Variants in CST1 observed in about 807,000 individuals in gnomAD.
CST1 encodes the protein cystatin SN.
Under a neutral mutation model 10.7 loss-of-function variants are expected in CST1, and 19 were observed. The ratio of observed to expected loss-of-function variants is 1.78; its 90% CI spans 1.24 to 2.61. The LOEUF is 2.61. Among genes scored for constraint, CST1 ranks in the 30% most tolerant of loss-of-function variants. The pLI is 0.00. For missense variants in CST1, 247 were observed against 178.1 expected (o/e 1.39, Z -2.20); for synonymous variants, 95 against 72.8 (o/e 1.31, Z -1.55).
At chr20:23,750,593 A>G in intron 1 of CST1, 46 bp downstream of exon 1, 1 of 1,578,428 alleles carries the variant, frequency 6.3e-7, no homozygotes, top group Non-Finnish European at 8.7e-7. Context: ...GTTGGGGAAC[A>G]AACCAGGCTG....
chr20:23,750,771 AC>A lies in CST1; in HGVS notation c.95del (p.Gly32ValfsTer40). The A allele has an allele frequency of 6.2e-7, 1 of 1,614,084 alleles. No homozygotes were observed. The highest frequency in any genetic ancestry group is 1.1e-5 in the South Asian group (1 of 91,086). ...CATTGAGGTCTGCGTTATAGATGCC[AC>A]CCGGGATTATCCTATCCTCCTCCTT... The part of the protein sequence containing the change: ...SPKEEDRIIP[G>X]GIYNADLNDE... On this transcript the variant is annotated frameshift_variant, in exon 1 of 3. Coordinates refer to ENST00000304749, the MANE Select transcript of CST1 (RefSeq NM_001898.3). LOFTEE classifies it high-confidence loss of function.
At chr20:23,750,109 A>C (rs1209786293) in intron 1 of CST1, among the ~76,000 whole-genome samples, 4 of 151,972 alleles carry the variant, frequency 2.6e-5, no homozygotes, top group Non-Finnish European at 5.9e-5. Flanking sequence ...TAACTGCATC[A>C]GCTGGTAGAG....
In CST1 at chr20:23,748,779, C is replaced by T. The variant is rs567450542; in HGVS notation, c.342+237G>A. ...ACATCCATGCACAGGCACACATGCTCCCATCCACCTCCCTGCACACACTGG... is the reference window on the plus strand; with the variant it reads ...ACATCCATGCACAGGCACACATGCTTCCATCCACCTCCCTGCACACACTGG... On this transcript the variant is annotated intron_variant, in intron 2 of 2. Transcript: ENST00000304749. Among the ~76,000 whole-genome samples the T allele has an allele frequency of 2.0e-5, 3 of 152,156 alleles. No homozygotes were observed. The South Asian group carries it at 6.2e-4, about 32-fold the overall frequency.
At position 23,750,717 on chromosome 20, in the gene CST1, G is replaced by T. The variant is rs566215865; in HGVS notation, c.150C>A (p.Phe50Leu). 1.9e-6 allele frequency: 3 copies of T among 1,614,150 alleles called. No homozygotes were observed. Among genetic ancestry groups the T allele is most frequent in the South Asian group, 2.2e-5 (2 of 91,080 alleles). ...TGGCCTTGTTATACTCGCTGATGGC[G>T]AAGTGAAGGGCACGCTGTACCCACT... ...NDEWVQRALHFAISEYNKATK... is the reference protein window; with the variant it reads ...NDEWVQRALHLAISEYNKATK... The change falls in exon 1 of 3, where the codon TTC becomes TTA. Residue 50 changes from phenylalanine to leucine, a missense_variant. Physicochemically the swap from Phe to Leu is conservative, Grantham distance 22. Coordinates refer to ENST00000304749, the MANE Select transcript of CST1 (RefSeq NM_001898.3).
At position 23,749,847 on chromosome 20, in the gene CST1, C is replaced by T. The variant is rs1400877422; in HGVS notation, c.229-718G>A. On this transcript the variant is annotated intron_variant, in intron 1 of 2. Transcript: ENST00000304749. ...GGGAGATGCAGGCCAGCGGGGACCA[C>T]GGCACCAGGGAGTGTATCTCGTATG... Among the ~76,000 whole-genome samples, 7 of 149,758 alleles carry T rather than the reference C, an allele frequency of 4.7e-5. No individual in the cohort carries two copies. The South Asian group carries it at 8.8e-4, about 19-fold the overall frequency.
At position 23,747,608 on chromosome 20, in the gene CST1, G is replaced by A. The variant is rs1256824918; in HGVS notation, c.*208C>T. 1.7e-6 allele frequency: 1 copy of A among 600,944 alleles called. No homozygotes were observed. The highest frequency in any genetic ancestry group is 1.9e-5 in the African/African-American group (1 of 53,948). The allele number at this position is 600,944 out of a possible 1,614,324, so 37.2% of individuals were successfully genotyped here. On this transcript the variant is annotated 3_prime_UTR_variant, in exon 3 of 3. Transcript: ENST00000304749. ...CAGGAGGTGGGGGGGTGTGTACCAT[G>A]TACCAGGGCTATTAGAAGCAAGAAG...
Position 23,747,842 on chromosome 20 carries a change from C to T in CST1, c.400G>A (p.Val134Met). Residue 134 changes from valine to methionine, a missense_variant, in exon 3 of 3, where the codon GTG (valine) becomes ATG (methionine). Transcript: ENST00000304749. ...EVPWENRRSL[V>M]KSRCQES ...TAGGATTCTTGACACCTGGATTTCA[C>T]CAGGGACCTTCTGTTCTCCCAGGGA... 2.5e-6 allele frequency: 4 copies of T among 1,613,986 alleles called. No homozygotes were observed. Among genetic ancestry groups the T allele is most frequent in the Non-Finnish European group, 3.4e-6 (4 of 1,179,908 alleles).
rs1222667688 is a variant in CST1, at chr20:23,750,793, T to A, written c.74A>T (p.Glu25Val). 7 of 1,614,116 alleles carry A rather than the reference T, an allele frequency of 4.3e-6. No homozygotes were observed. Among genetic ancestry groups the A allele is most frequent in the Non-Finnish European group, 5.9e-6 (7 of 1,180,004 alleles). ...GCCACCCGGGATTATCCTATCCTCC[T>A]CCTTGGGGCTCCAGGCCAGGGCCAC... ...LAVALAWSPK[E>V]EDRIIPGGIY... Residue 25 changes from glutamate (E) to valine (V), a missense_variant, in exon 1 of 3, where the codon GAG (glutamate) becomes GTG (valine). Physicochemically the swap from Glu to Val is moderately radical, Grantham distance 121 (BLOSUM62 -2). Coordinates refer to ENST00000304749, the MANE Select transcript of CST1 (RefSeq NM_001898.3).
intron 1 of CST1, among the ~76,000 whole-genome samples, chr20:23,749,571 A>G (rs1284325268): frequency 6.6e-6 from 1 of 152,118 alleles, no homozygotes; most frequent in Non-Finnish European, 1.5e-5. Flanking sequence ...TTCAAGATAC[A>G]TTTCTCAAGT....
At position 23,747,591 on chromosome 20, in the gene CST1, G is replaced by T. The variant is rs900275328; in HGVS notation, c.*225C>A. The T allele has an allele frequency of 1.8e-6, 1 of 556,810 alleles. No homozygotes were observed. Among genetic ancestry groups the T allele is most frequent in the Non-Finnish European group, 3.2e-6 (1 of 311,012 alleles). The allele number at this position is 556,810 out of a possible 1,614,324, so 34.5% of individuals were successfully genotyped here. A position where few individuals can be genotyped will look rare whatever the true frequency, so the allele number is the denominator to read the frequency against. On this transcript the variant is annotated 3_prime_UTR_variant, in exon 3 of 3. Transcript: ENST00000304749. ...ATGCTACTGTTTAATTGCAGGAGGT[G>T]GGGGGGTGTGTACCATGTACCAGGG...
At chr20:23,747,954 A>G in intron 2 of CST1, 55 bp from the exon 3 acceptor site, 2 of 1,530,922 alleles carry the variant, frequency 1.3e-6, no homozygotes, top group East Asian at 2.3e-5. Flanking sequence ...AAAGGGGAAG[A>G]TGCCCAGGCA....
At chr20:23,750,505 G>A (rs1982800630) in intron 1 of CST1, 134 bp downstream of exon 1, 6 of 857,520 alleles carry the variant, frequency 7.0e-6, no homozygotes, top group Non-Finnish European at 1.1e-5. Flanking sequence ...CATCAGCGGA[G>A]AGCCAGGGAA....
intron 1 of CST1, among the ~76,000 whole-genome samples, chr20:23,749,920 G>A (rs1201146800): frequency 6.6e-6 from 1 of 150,540 alleles, no homozygotes; most frequent in African/African-American, 2.5e-5. Context: ...AACGGGGCTG[G>A]TGGGGATTCC....
At chr20:23,748,123 C>A (rs1982719312) in intron 2 of CST1, among the ~76,000 whole-genome samples, 1 of 152,138 alleles carries the variant, frequency 6.6e-6, no homozygotes, top group South Asian at 2.1e-4. Flanking sequence ...CCCACCCCAG[C>A]CTGCAGTGTC....
rs566215865 is a variant in CST1, at chr20:23,750,717, G to A, written c.150C>T (p.Phe50=). Residue 50 remains phenylalanine, a synonymous_variant, in exon 1 of 3, where the codon TTC becomes TTT. Transcript: ENST00000304749. The stretch of plus-strand genomic sequence containing the variant: ...TGGCCTTGTTATACTCGCTGATGGC[G>A]AAGTGAAGGGCACGCTGTACCCACT... ...NDEWVQRALH[F]AISEYNKATK... The A allele has an allele frequency of 8.1e-6, 13 of 1,614,150 alleles. 1 individual carries two copies. In the South Asian group the frequency reaches 8.8e-5, roughly 11 times the overall value.
rs1376496606 is a variant in CST1, at chr20:23,750,683, C to G, written c.184G>C (p.Asp62His). The G allele has an allele frequency of 1.2e-6, 2 of 1,613,980 alleles. No individual in the cohort carries two copies. The highest frequency in any genetic ancestry group is 1.7e-6 in the Non-Finnish European group (2 of 1,180,032). ...ISEYNKATKD[D>H]YYRRPLRVLR... ...ACCCGCAGCGGACGTCTGTAGTAGT[C>G]ATCTTTGGTGGCCTTGTTATACTCG... Residue 62 changes from aspartate (D) to histidine (H), a missense_variant, in exon 1 of 3, where the codon GAC (aspartate) becomes CAC (histidine). By Grantham distance (81) the Asp-to-His change is moderately conservative. Transcript: ENST00000304749.
rs755016099 is a variant in CST1, at chr20:23,747,912, A to G, written c.343-13T>C. 2 of 1,610,040 alleles carry G rather than the reference A, an allele frequency of 1.2e-6. No individual in the cohort carries two copies. The highest frequency in any genetic ancestry group is 1.7e-5 in the Admixed American group (1 of 60,008). The stretch of plus-strand genomic sequence containing the variant: ...AGCACAACTGTTTCTGTGAAAGGGA[A>G]GAGAGAGGGCCAATCAGTGTGGGTT... On this transcript the variant is annotated splice_polypyrimidine_tract_variant and intron_variant, in intron 2 of 2. Transcript: ENST00000304749.
rs533911737 is a variant in CST1 at position 23,748,745 on chromosome 20, AC to A, written c.342+270del. On this transcript the variant is annotated intron_variant, in intron 2 of 2. Transcript: ENST00000304749. ...TGGATCTATGTACAAAGCCCCATACACCCCCCACACATCCATGCACAGGCAC... is the reference window on the plus strand; with the variant it reads ...TGGATCTATGTACAAAGCCCCATACACCCCCACACATCCATGCACAGGCAC... 6.4e-4 allele frequency among the ~76,000 whole-genome samples: 95 copies of A among 148,806 alleles called. 1 individual carries two copies. Among genetic ancestry groups the A allele is most frequent in the African/African-American group, 2.3e-3 (95 of 40,450 alleles).
Position 23,747,640 on chromosome 20 carries a change from G to A in CST1, c.*176C>T, listed in dbSNP as rs1982696488. The A allele has an allele frequency of 3.2e-6, 2 of 618,182 alleles. No individual in the cohort carries two copies. The highest frequency in any genetic ancestry group is 2.0e-5 in the South Asian group (1 of 50,912). The allele number at this position is 618,182 out of a possible 1,614,324, so 38.3% of individuals were successfully genotyped here. ...GGCTATTAGAAGCAAGAAGGAAGGAGGGAGGGCAGAGCGCCCTGCTGAGCA... is the reference window on the plus strand; with the variant it reads ...GGCTATTAGAAGCAAGAAGGAAGGAAGGAGGGCAGAGCGCCCTGCTGAGCA... On this transcript the variant is annotated 3_prime_UTR_variant, in exon 3 of 3. Transcript: ENST00000304749.
Sources: gnomAD v4.1 joint callset for allele counts (sites outside exome capture counted in the v4.1 genomes callset) on GRCh38, gnomAD v4.1.1 for gene constraint, MANE v1.5 for transcripts, NCBI Gene and HGNC (gene_info 2026-07-23, HGNC 2026-07-21) for gene names.